Variants in GRIK1 observed in about 807,000 individuals in gnomAD.
The protein encoded by GRIK1 is glutamate ionotropic receptor kainate type subunit 1.
GRIK1 carries 69 observed loss-of-function variants against 105.7 expected under a neutral mutation model. The observed-to-expected ratio is 0.65, with a 90% CI of 0.54 to 0.80. GRIK1 has a LOEUF of 0.80. Ranked by LOEUF, GRIK1 falls within the 30% of genes least tolerant of loss-of-function variation. GRIK1 has a pLI of 0.00. For missense variants in GRIK1, 1,109 were observed against 1,167.3 expected (o/e 0.95, Z 0.73); for synonymous variants, 438 against 431.3 (o/e 1.02, Z -0.19).
At chr21:29,677,947 A>G (rs576565524) in intron 3 of GRIK1, among the ~76,000 whole-genome samples, 19 of 152,316 alleles carry the variant, frequency 1.2e-4, no homozygotes, top group Non-Finnish European at 1.5e-5. Context: ...ACCGCAGTCC[A>G]ATCCATTGCT....
At chr21:29,734,574 G>A (rs145993914) in intron 1 of GRIK1, among the ~76,000 whole-genome samples, 39 of 151,406 alleles carry the variant, frequency 2.6e-4, no homozygotes, top group African/African-American at 9.2e-4. Context: ...TAATTTTTTT[G>A]TTTTTGCAGG....
chr21:29,605,270 T>C (rs1218225938), intron 7 of GRIK1, among the ~76,000 whole-genome samples: 1 of 152,186 alleles, frequency 6.6e-6, no homozygotes, highest in Non-Finnish European at 1.5e-5. Context: ...CATGTGTCCA[T>C]GTATTCTCAT....
intron 1 of GRIK1, among the ~76,000 whole-genome samples, chr21:29,936,004 T>C (rs1016695587): frequency 2.6e-5 from 4 of 152,230 alleles, no homozygotes; most frequent in Non-Finnish European, 4.4e-5. Context: ...CCCTTTCATA[T>C]TGAGCTCTTA....
At chr21:29,789,637 C>T (rs564726592) in intron 1 of GRIK1, among the ~76,000 whole-genome samples, 2 of 152,298 alleles carry the variant, frequency 1.3e-5, no homozygotes, top group African/African-American at 4.8e-5. Flanking sequence ...GTACCCCTTC[C>T]CTTATCGCAG....
intron 1 of GRIK1, among the ~76,000 whole-genome samples, chr21:29,851,056 C>CTTTT (rs11301678): frequency 1.4e-5 from 2 of 146,432 alleles, no homozygotes; most frequent in African/African-American, 2.5e-5. Flanking sequence ...GAAATGATTT[C>CTTTT]TTTTTTTTTT....
intron 1 of GRIK1, among the ~76,000 whole-genome samples, chr21:29,718,677 G>T (rs562049862): frequency 1.3e-5 from 2 of 152,314 alleles, no homozygotes; most frequent in African/African-American, 4.8e-5. Flanking sequence ...AAAGCGGCAG[G>T]TGCACAGGAG....
At chr21:29,817,863 C>T (rs112907617) in intron 1 of GRIK1, among the ~76,000 whole-genome samples, 6,426 of 152,172 alleles carry the variant, frequency 0.042, 197 homozygotes, top group Non-Finnish European at 0.065. Flanking sequence ...TGAGAAAATA[C>T]GCTTAATGCA....
At chr21:29,615,630 A>C (rs363441) in intron 7 of GRIK1, among the ~76,000 whole-genome samples, 2,465 of 152,270 alleles carry the variant, frequency 0.016, 54 homozygotes, top group African/African-American at 0.056. Flanking sequence ...TTTACAACTA[A>C]CAGGAATAGA....
intron 1 of GRIK1, among the ~76,000 whole-genome samples, chr21:29,855,387 G>A (rs1034442283): frequency 1.6e-4 from 25 of 152,174 alleles, no homozygotes; most frequent in African/African-American, 5.8e-4. Context: ...CATCTTTAAA[G>A]AGTGATATTT....
intron 1 of GRIK1, among the ~76,000 whole-genome samples, chr21:29,697,981 C>T (rs1396742104): frequency 7.1e-5 from 10 of 141,096 alleles, no homozygotes; most frequent in South Asian, 2.3e-4. Context: ...TTCTCTCTGT[C>T]TCTTTCTTTC....
chr21:29,743,782 CA>C (rs1206559885), intron 1 of GRIK1, among the ~76,000 whole-genome samples: 2 of 152,092 alleles, frequency 1.3e-5, no homozygotes, highest in African/African-American at 4.8e-5. Context: ...AAACATAAAT[CA>C]AGTGAAAATT....
chr21:29,681,805 C>A (rs2063383036), intron 3 of GRIK1, among the ~76,000 whole-genome samples: 1 of 152,124 alleles, frequency 6.6e-6, no homozygotes, highest in Non-Finnish European at 1.5e-5. Context: ...ATGCCTGGTA[C>A]CAATATTTAT....
chr21:29,901,980 G>A (rs774221075), intron 1 of GRIK1, among the ~76,000 whole-genome samples: 5 of 152,158 alleles, frequency 3.3e-5, no homozygotes, highest in Non-Finnish European at 5.9e-5. Context: ...TAGGATGCAA[G>A]GCTGGTTCAA....
rs763922363 is a variant in GRIK1, at chr21:29,576,980, G to A, written c.2114C>T (p.Thr705Ile). The A allele has an allele frequency of 6.2e-7, 1 of 1,601,662 alleles. No individual in the cohort carries two copies. Among genetic ancestry groups the A allele is most frequent in the East Asian group, 2.2e-5 (1 of 44,798 alleles). ...IEYGAVRDGS[T>I]MTFFKKSKIS... The stretch of plus-strand genomic sequence containing the variant: ...GCTTCTTACCTTGAAGAAGGTCATT[G>A]TTGATCCATCTCTAACCGCCCCATA... Residue 705 changes from threonine (T) to isoleucine (I), a missense_variant, in exon 14 of 18, where the codon ACA becomes ATA. By Grantham distance (89) the Thr-to-Ile change is moderately conservative. Transcript: ENST00000327783.
chr21:29,927,597 G>A (rs564196022), intron 1 of GRIK1, among the ~76,000 whole-genome samples: 1 of 151,196 alleles, frequency 6.6e-6, no homozygotes, highest in Non-Finnish European at 1.5e-5. Context: ...TATGGGTTGG[G>A]CATGGTGGCT....
intron 1 of GRIK1, among the ~76,000 whole-genome samples, chr21:29,929,680 G>C (rs2146353481): frequency 6.6e-6 from 1 of 152,318 alleles, no homozygotes; most frequent in Admixed American, 6.5e-5. Flanking sequence ...ATGCTGGCGA[G>C]GATGTGGTGA....
chr21:29,824,787 C>A (rs1359386547), intron 1 of GRIK1, among the ~76,000 whole-genome samples: 1 of 151,978 alleles, frequency 6.6e-6, no homozygotes, highest in Non-Finnish European at 1.5e-5. Context: ...AATGGCAATA[C>A]TATGGAGGGT....
At chr21:29,767,868 G>A (rs1401933401) in intron 1 of GRIK1, among the ~76,000 whole-genome samples, 4 of 20,204 alleles carry the variant, frequency 2.0e-4, no homozygotes, top group South Asian at 4.5e-3. Context: ...AAATTCATGT[G>A]TGTGTGTGTG....
chr21:29,863,129 T>C (rs1211134843), intron 1 of GRIK1, among the ~76,000 whole-genome samples: 1 of 152,238 alleles, frequency 6.6e-6, no homozygotes, highest in Non-Finnish European at 1.5e-5. Flanking sequence ...TTTGATGTTG[T>C]TTTTGAAAAT....
Sources: allele counts gnomAD v4.1 joint callset (sites outside exome capture counted in the v4.1 genomes callset), GRCh38; gene constraint gnomAD v4.1.1; transcripts MANE v1.5; gene names NCBI Gene and HGNC (gene_info 2026-07-23, HGNC 2026-07-21).